The following MAP3K9 variants were observed in gnomAD, a reference collection of about 807,000 sequenced individuals.
MAP3K9 encodes the protein mixed lineage kinase 1 (tyr and ser/thr specificity).
MAP3K9 carries 46 observed loss-of-function variants against 95.8 expected under a neutral mutation model. That is an observed-to-expected ratio of 0.48 (90% confidence interval 0.38 to 0.61). The LOEUF is 0.61. Among genes scored for constraint, MAP3K9 ranks in the 20% least tolerant of loss-of-function variants. The pLI is 0.00. For synonymous variants in MAP3K9, 533 were observed against 593.8 expected, an observed-to-expected ratio of 0.90 and a Z score of 1.49; for missense variants, 1,296 against 1,474.3, an observed-to-expected ratio of 0.88 and a Z score of 1.98.
Position 70,761,092 on chromosome 14 carries a change from G to A in MAP3K9, c.911C>T (p.Thr304Ile), listed in dbSNP as rs2054368140. The A allele has an allele frequency of 6.2e-7, 1 of 1,614,166 alleles. No homozygotes were observed. The highest frequency in any genetic ancestry group is 8.5e-7 in the Non-Finnish European group (1 of 1,180,022). The stretch of plus-strand genomic sequence containing the variant: ...CGTCCCTGCCGCACTCATCTTGGTG[G>A]TTCGGTGCCATTCCCGAGCCAGGCC... ...DFGLAREWHR[T>I]TKMSAAGTYA... Residue 304 changes from threonine to isoleucine, a missense_variant, in exon 3 of 12, where the codon ACC becomes ATC. Coordinates refer to ENST00000554752, the MANE Select transcript of MAP3K9 (RefSeq NM_001284230.2).
intron 2 of MAP3K9, among the ~76,000 whole-genome samples, chr14:70,769,564 T>C (rs947056255): frequency 1.3e-5 from 2 of 152,192 alleles, no homozygotes; most frequent in Non-Finnish European, 2.9e-5. Context: ...GTTCTGGAGG[T>C]TAGAAGTCCA....
chr14:70,772,825 G>C (rs2054549372), intron 2 of MAP3K9, among the ~76,000 whole-genome samples: 11 of 152,146 alleles, frequency 7.2e-5, no homozygotes. Flanking sequence ...CATCAATACG[G>C]AAAGTAGGTA....
At chr14:70,764,027 T>C (rs75847975) in intron 2 of MAP3K9, among the ~76,000 whole-genome samples, 32,402 of 144,672 alleles carry the variant, frequency 0.22, 3,965 homozygotes, top group South Asian at 0.37. Flanking sequence ...CTACTAAAAA[T>C]ACAAAAAAAT....
intron 7 of MAP3K9, among the ~76,000 whole-genome samples, chr14:70,739,581 T>C (rs911629745): frequency 2.6e-5 from 4 of 151,580 alleles, no homozygotes; most frequent in African/African-American, 7.3e-5. Context: ...AAAGATAAAA[T>C]TGGTCCAGAT....
chr14:70,752,579 A>G (rs2054244239), intron 3 of MAP3K9, among the ~76,000 whole-genome samples: 1 of 152,204 alleles, frequency 6.6e-6, no homozygotes, highest in African/African-American at 2.4e-5. Flanking sequence ...AGCATTGCCA[A>G]CCAGATTCCT....
At chr14:70,731,607 C>T (rs554933047) in intron 11 of MAP3K9, among the ~76,000 whole-genome samples, 2 of 152,332 alleles carry the variant, frequency 1.3e-5, no homozygotes, top group South Asian at 4.2e-4. Context: ...AAGCTTGCTG[C>T]CTCCTGACTC....
intron 2 of MAP3K9, among the ~76,000 whole-genome samples, chr14:70,766,304 G>A (rs1022652359): frequency 1.3e-5 from 2 of 152,076 alleles, no homozygotes; most frequent in Non-Finnish European, 2.9e-5. Flanking sequence ...CTCAATTCCT[G>A]CTTCTACAAA....
chr14:70,760,626 C>T (rs1165997970), intron 3 of MAP3K9, among the ~76,000 whole-genome samples: 1 of 152,136 alleles, frequency 6.6e-6, no homozygotes, highest in Non-Finnish European at 1.5e-5. Context: ...CAGTAACAGC[C>T]ACGAAAGCCT....
intron 2 of MAP3K9, among the ~76,000 whole-genome samples, chr14:70,791,257 C>A (rs1221935727): frequency 6.6e-6 from 1 of 152,154 alleles, no homozygotes; most frequent in Non-Finnish European, 1.5e-5. Flanking sequence ...CTGTTTTCTG[C>A]AACTAAAAGC....
chr14:70,801,134 AT>A (rs2139861373), intron 1 of MAP3K9, 54 bp from the exon 2 acceptor site: 1 of 1,530,548 alleles, frequency 6.5e-7, no homozygotes, highest in African/African-American at 1.4e-5. Flanking sequence ...AAAACATCGT[AT>A]TTAACCTTTC....
rs374670001 is a variant in MAP3K9, at chr14:70,730,501, C to T, written c.3194G>A (p.Arg1065Gln). Reference protein sequence around the residue: ...FQAGPLPPTERTLLDLDAEGQ... With the variant: ...FQAGPLPPTEQTLLDLDAEGQ... ...CTCTGCATCCAGGTCCAGGAGCGTC[C>T]GCTCAGTCGGGGGCAGCGGCCCTGC... Residue 1065 changes from arginine to glutamine, a missense_variant, in exon 12 of 12, where the codon CGG becomes CAG. Arg to Gln is a conservative substitution (Grantham distance 43, BLOSUM62 1). This residue lies in a region of MAP3K9 where 433 missense variants were observed against 441.4 expected (regional missense o/e 0.98). Transcript: ENST00000554752. The T allele has an allele frequency of 4.0e-5, 65 of 1,614,050 alleles. No homozygotes were observed. The highest frequency in any genetic ancestry group is 3.1e-4 in the African/African-American group (23 of 75,062).
At chr14:70,789,546 T>C (rs546484300) in intron 2 of MAP3K9, among the ~76,000 whole-genome samples, 43 of 152,340 alleles carry the variant, frequency 2.8e-4, no homozygotes, top group African/African-American at 9.6e-4. Flanking sequence ...GTGTTGTTCA[T>C]ATTTTACGGA....
intron 2 of MAP3K9, among the ~76,000 whole-genome samples, chr14:70,775,196 G>C (rs1225209321): frequency 6.6e-6 from 1 of 150,894 alleles, no homozygotes; most frequent in Non-Finnish European, 1.5e-5. Context: ...CTATTTTTTT[G>C]CATACCTACT....
intron 9 of MAP3K9, among the ~76,000 whole-genome samples, chr14:70,735,613 A>G (rs549192782): frequency 3.3e-4 from 51 of 152,290 alleles, no homozygotes; most frequent in African/African-American, 1.2e-3. Flanking sequence ...GACTCTCGTA[A>G]CATCACTTCC....
rs141869536 is a variant in MAP3K9 at position 70,739,502 on chromosome 14, T to TCACACACA, written c.1690+532_1690+539dup. Among the ~76,000 whole-genome samples the TCACACACA allele has an allele frequency of 5.0e-3, 745 of 148,476 alleles. 6 individuals are homozygous for TCACACACA. Among genetic ancestry groups the TCACACACA allele is most frequent in the Non-Finnish European group, 7.6e-3 (510 of 67,022 alleles). On this transcript the variant is annotated intron_variant, in intron 7 of 11. Transcript: ENST00000554752. ...AATTCATTCACATATAGGTGTATGT[T>TCACACACA]CACACACACACACACACACACACAC...
At chr14:70,738,472 C>CA in intron 7 of MAP3K9, 74 bp from the exon 8 acceptor site, 1 of 1,237,156 alleles carries the variant, frequency 8.1e-7, no homozygotes, top group Non-Finnish European at 1.2e-6. Flanking sequence ...CTCTATACCA[C>CA]CACACACACA....
intron 2 of MAP3K9, among the ~76,000 whole-genome samples, chr14:70,789,054 T>G (rs889661560): frequency 6.6e-6 from 1 of 151,972 alleles, no homozygotes; most frequent in African/African-American, 2.4e-5. Context: ...CAACTGAGAG[T>G]CCAGCAGAGC....
intron 8 of MAP3K9, among the ~76,000 whole-genome samples, chr14:70,736,530 T>G (rs1392887824): frequency 6.6e-6 from 1 of 152,322 alleles, no homozygotes; most frequent in East Asian, 1.9e-4. Flanking sequence ...CTAAGACTCA[T>G]GAAAAAATTA....
rs140848181 is a variant in MAP3K9, at chr14:70,749,430, G to A, written c.1151-426C>T. The A allele has an allele frequency of 6.3e-4, 105 of 165,578 alleles. 1 individual carries two copies. Among genetic ancestry groups the A allele is most frequent in the African/African-American group, 1.8e-3 (76 of 41,966 alleles). The allele number at this position is 165,578 out of a possible 1,614,324, so 10.3% of individuals were successfully genotyped here. A position where few individuals can be genotyped will look rare whatever the true frequency, so the allele number is the denominator to read the frequency against. ...CCACAATGGGATGATGAGGAGGCGA[G>A]GATGAAAAGCATTCTAGTGGGAGTC... On this transcript the variant is annotated intron_variant, in intron 4 of 11. Transcript: ENST00000554752.
Sources: allele counts gnomAD v4.1 joint callset (sites outside exome capture counted in the v4.1 genomes callset), GRCh38; gene constraint gnomAD v4.1.1; regional missense constraint gnomAD v4.1.1; transcripts MANE v1.5; gene names NCBI Gene and HGNC (gene_info 2026-07-23, HGNC 2026-07-21).